Variants in ZNF586 observed in about 807,000 individuals in gnomAD.
The protein encoded by ZNF586 is zinc finger protein 586.
ZNF586 carries 7 observed loss-of-function variants against 6.7 expected under a neutral mutation model. The observed-to-expected ratio is 1.04, with a 90% confidence interval of 0.59 to 1.95. The LOEUF is 1.95. ZNF586 is among the 30% of genes most tolerant of loss of function. ZNF586 has a pLI of 0.00. For synonymous variants in ZNF586, 166 were observed against 168.7 expected (o/e 0.98, Z 0.12); for missense variants, 442 against 489.6 (o/e 0.90, Z 0.92).
intron 1 of ZNF586, among the ~76,000 whole-genome samples, chr19:57,776,282 G>A (rs1987234500): frequency 6.6e-6 from 1 of 152,184 alleles, no homozygotes; most frequent in Non-Finnish European, 1.5e-5. Flanking sequence ...CAGGGGAATT[G>A]CTAGAAAGGA....
rs1987350650 is a variant in ZNF586 at position 57,780,086 on chromosome 19, T to C, written c.*290T>C. ...TCAATATAACACTGGAGGAAACCCC[T>C]TATGAGGATGCCATCTGCCTAAATT... On this transcript the variant is annotated 3_prime_UTR_variant, in exon 3 of 3. Transcript: ENST00000396154. 1 of 393,492 alleles carries C rather than the reference T, an allele frequency of 2.5e-6. No individual in the cohort carries two copies. The highest frequency in any genetic ancestry group is 4.5e-6 in the Non-Finnish European group (1 of 221,606). The allele number at this position is 393,492 out of a possible 1,614,324, so 24.4% of individuals were successfully genotyped here.
chr19:57,773,005 A>G (rs1158224105), intron 1 of ZNF586, among the ~76,000 whole-genome samples: 1 of 152,086 alleles, frequency 6.6e-6, no homozygotes, highest in African/African-American at 2.4e-5. Context: ...GTCACTTATA[A>G]ATTTGAGAAT....
intron 1 of ZNF586, among the ~76,000 whole-genome samples, chr19:57,770,286 AGC>A (rs1453407342): frequency 6.6e-6 from 1 of 151,080 alleles, no homozygotes; most frequent in Non-Finnish European, 1.5e-5. Context: ...CCTCCCGAGT[AGC>A]TGGGATTACA....
chr19:57,776,810 G>A (rs1987249486), intron 2 of ZNF586, 141 bp downstream of exon 2: 1 of 983,468 alleles, frequency 1.0e-6, no homozygotes, highest in African/African-American at 1.6e-5. Context: ...TCGGACTGAG[G>A]TGTACGTACT....
chr19:57,776,500 G>A (rs1382082780), intron 1 of ZNF586, 43 bp from the exon 2 acceptor site: 2 of 1,591,156 alleles, frequency 1.3e-6, no homozygotes. Flanking sequence ...TGGGTCTTCA[G>A]CATAGGGGCC....
chr19:57,770,558 AG>A lies in ZNF586; in HGVS notation c.36+681del, dbSNP rs1188619521. Among the ~76,000 whole-genome samples, 4 of 152,232 alleles carry A rather than the reference AG, an allele frequency of 2.6e-5. No homozygotes were observed. The East Asian group carries it at 5.8e-4, about 22-fold the overall frequency. On this transcript the variant is annotated intron_variant, in intron 1 of 2. Transcript: ENST00000396154. ...CGATTCCCAAAAGATGTTCGAAGGA[AG>A]AACAGAGTTGAAGGCAGTGATGAGG...
At position 57,779,645 on chromosome 19, in the gene ZNF586, C is replaced by A; in HGVS notation, c.1058C>A (p.Ser353Tyr). 1 of 1,613,704 alleles carries A rather than the reference C, an allele frequency of 6.2e-7. No homozygotes were observed. Among genetic ancestry groups the A allele is most frequent in the Non-Finnish European group, 8.5e-7 (1 of 1,179,752 alleles). ...TATGAGTGCAGTGACTGTGGGAAATCCTTTGCTGAAAACTCCAGCCTTATT... is the reference window on the plus strand; with the variant it reads ...TATGAGTGCAGTGACTGTGGGAAATACTTTGCTGAAAACTCCAGCCTTATT... ...RPYECSDCGKSFAENSSLIKH... is the reference protein window; with the variant it reads ...RPYECSDCGKYFAENSSLIKH... The change falls in exon 3 of 3, where the codon TCC (serine) becomes TAC (tyrosine). Residue 353 changes from serine (S) to tyrosine (Y), a missense_variant. Physicochemically the swap from Ser to Tyr is moderately radical, Grantham distance 144. Coordinates refer to ENST00000396154, the MANE Select transcript of ZNF586 (RefSeq NM_017652.4).
intron 1 of ZNF586, among the ~76,000 whole-genome samples, chr19:57,771,117 C>G (rs112307466): frequency 3.3e-5 from 5 of 151,800 alleles, no homozygotes; most frequent in African/African-American, 1.2e-4. Flanking sequence ...CTGGCTAACA[C>G]GGTGAAATCC....
chr19:57,773,441 T>C (rs1365600064), intron 1 of ZNF586, among the ~76,000 whole-genome samples: 1 of 147,738 alleles, frequency 6.8e-6, no homozygotes, highest in Non-Finnish European at 1.5e-5. Context: ...TTTTGCTTTG[T>C]CGCCCAGACT....
At position 57,779,099 on chromosome 19, in the gene ZNF586, T is replaced by C. The variant is rs1052131204; in HGVS notation, c.512T>C (p.Leu171Pro). Reference sequence around the variant, plus strand: ...TCTTCACTCTTGCAGCGTCAGACACTTCACACTAGAGAAAGGCCTTATGAG... The same window carrying C: ...TCTTCACTCTTGCAGCGTCAGACACCTCACACTAGAGAAAGGCCTTATGAG... The part of the protein sequence containing the change: ...QSSSLLQRQT[L>P]HTRERPYECI... Residue 171 changes from leucine to proline, a missense_variant, in exon 3 of 3, where the codon CTT (leucine) becomes CCT (proline). Transcript: ENST00000396154. The C allele has an allele frequency of 2.5e-6, 4 of 1,613,940 alleles. No individual in the cohort carries two copies. Among genetic ancestry groups the C allele is most frequent in the Admixed American group, 3.3e-5 (2 of 59,988 alleles).
intron 1 of ZNF586, among the ~76,000 whole-genome samples, chr19:57,774,587 C>A (rs1987181496): frequency 1.3e-5 from 2 of 151,864 alleles, no homozygotes; most frequent in Admixed American, 1.3e-4. Context: ...GTCATAGTTT[C>A]TGAGGATAGC....
chr19:57,775,838 G>A (rs1476006257), intron 1 of ZNF586, among the ~76,000 whole-genome samples: 1 of 152,096 alleles, frequency 6.6e-6, no homozygotes, highest in East Asian at 1.9e-4. Context: ...CTGACCTCAG[G>A]TGATCCACCC....
intron 1 of ZNF586, among the ~76,000 whole-genome samples, chr19:57,775,134 C>G (rs988918438): frequency 4.6e-5 from 7 of 151,938 alleles, no homozygotes; most frequent in Non-Finnish European, 8.8e-5. Context: ...GTACCTGGGA[C>G]TACAGGCACC....
chr19:57,773,659 C>T (rs1987153211), intron 1 of ZNF586, among the ~76,000 whole-genome samples: 1 of 152,168 alleles, frequency 6.6e-6, no homozygotes, highest in Non-Finnish European at 1.5e-5. Context: ...TGGCAAGTGA[C>T]ATAATGCTTC....
intron 2 of ZNF586, among the ~76,000 whole-genome samples, chr19:57,777,699 C>G (rs961082501): frequency 1.3e-4 from 18 of 143,782 alleles, no homozygotes; most frequent in Non-Finnish European, 2.2e-4. Flanking sequence ...CTGCAGTGGT[C>G]TTCAATATTG....
chr19:57,773,926 G>T (rs976154382), intron 1 of ZNF586, among the ~76,000 whole-genome samples: 1 of 152,166 alleles, frequency 6.6e-6, no homozygotes, highest in African/African-American at 2.4e-5. Context: ...ACAGAAGAAA[G>T]TCATAGTTGC....
intron 1 of ZNF586, among the ~76,000 whole-genome samples, chr19:57,775,218 A>G (rs930074956): frequency 6.6e-6 from 1 of 152,066 alleles, no homozygotes; most frequent in Non-Finnish European, 1.5e-5. Context: ...GATGGTCTCG[A>G]TCTCCTGACC....
chr19:57,773,140 G>T (rs1987136331), intron 1 of ZNF586, among the ~76,000 whole-genome samples: 1 of 152,178 alleles, frequency 6.6e-6, no homozygotes, highest in Non-Finnish European at 1.5e-5. Flanking sequence ...TAAATGGGCA[G>T]CTGGACACAT....
At position 57,769,773 on chromosome 19, in the gene ZNF586, C is replaced by T. The variant is rs899472927; in HGVS notation, c.-70C>T. ...GCGGATCTGAGGTTCGGCGACGCCG[C>T]TGGTCGCGACCCGGGACAGGACAAC... On this transcript the variant is annotated 5_prime_UTR_variant, in exon 1 of 3. Transcript: ENST00000396154. The T allele has an allele frequency of 2.0e-6, 3 of 1,502,872 alleles. No individual in the cohort carries two copies. The African/African-American group carries it at 4.2e-5, about 21-fold the overall frequency. 93.1% of individuals were successfully genotyped at this position (1,502,872 alleles called of 1,614,324 possible). A position where few individuals can be genotyped will look rare whatever the true frequency, so the allele number is the denominator to read the frequency against.
Sources: gnomAD v4.1 joint callset for allele counts (sites outside exome capture counted in the v4.1 genomes callset) on GRCh38, gnomAD v4.1.1 for gene constraint, MANE v1.5 for transcripts, NCBI Gene and HGNC (gene_info 2026-07-23, HGNC 2026-07-21) for gene names.